UGGT1: variants seen among roughly 807,000 people sequenced by gnomAD.
UGGT1 encodes UDP-glucose glycoprotein glucosyltransferase 1, also known as UDP-glucose:glycoprotein glucosyltransferase 1.
A neutral mutation model predicts 203.9 loss-of-function variants in UGGT1; 107 were observed. That is an observed-to-expected ratio of 0.52 (90% CI 0.45 to 0.62). UGGT1 has a LOEUF of 0.62. Ranked by LOEUF, UGGT1 falls within the 20% of genes least tolerant of loss-of-function variation. The pLI is 0.00. For synonymous variants in UGGT1, 628 were observed against 653.5 expected, an observed-to-expected ratio of 0.96 and a Z score of 0.59; for missense variants, 1,673 against 1,867.2, an observed-to-expected ratio of 0.90 and a Z score of 1.92.
chr2:128,121,105 C>A, intron 9 of UGGT1, 94 bp from the exon 10 acceptor site: 2 of 1,176,524 alleles, frequency 1.7e-6, no homozygotes, highest in Non-Finnish European at 2.5e-6. Context: ...TTCTTAATTA[C>A]CATGAAAAGA....
At chr2:128,160,381 G>A in intron 23 of UGGT1, 79 bp from the exon 24 acceptor site, 2 of 1,421,566 alleles carry the variant, frequency 1.4e-6, no homozygotes, top group Non-Finnish European at 1.9e-6. Context: ...AAATTTTTAT[G>A]GTTTATTCAC....
In UGGT1 at chr2:128,170,280, T is replaced by A. The variant is rs1386593951; in HGVS notation, c.2922-8T>A. ...CCAGGTTAATGTTTTATCCTTGTGA[T>A]CTTTCAGTGCAATCAAACTGAGGCC... is the stretch of plus-strand genomic sequence containing the variant. On this transcript the variant is annotated splice_polypyrimidine_tract_variant and splice_region_variant and intron_variant, in intron 26 of 40. Transcript: ENST00000259253. The A allele has an allele frequency of 6.2e-7, 1 of 1,613,600 alleles. No individual in the cohort carries two copies. Among genetic ancestry groups the A allele is most frequent in the African/African-American group, 1.3e-5 (1 of 75,060 alleles).
rs181854806 is a variant in UGGT1, at chr2:128,129,996, C to T, written c.1377+817C>T. On this transcript the variant is annotated intron_variant, in intron 13 of 40. Transcript: ENST00000259253. ...GGGAATAGGGCTGGGCTTGGTGGCT[C>T]GTGCCTGTAATCCCAGCACTTTGGG... is the stretch of plus-strand genomic sequence containing the variant. Among the ~76,000 whole-genome samples, 431 of 151,798 alleles carry T rather than the reference C, an allele frequency of 2.8e-3. 3 individuals are homozygous for T. Among genetic ancestry groups the T allele is most frequent in the African/African-American group, 9.6e-3 (395 of 41,356 alleles).
rs1692391421 is a variant in UGGT1, at chr2:128,193,815, A to T, written c.*4073A>T. On this transcript the variant is annotated 3_prime_UTR_variant, in exon 41 of 41. Transcript: ENST00000259253. ...CTCCCTTCCTCCCCCGCCCTCCGGAAGTATATTTAGATACTTGAAAGCAGT... is the reference window on the plus strand; with the variant it reads ...CTCCCTTCCTCCCCCGCCCTCCGGATGTATATTTAGATACTTGAAAGCAGT... 6.6e-6 allele frequency: 1 copy of T among 152,202 alleles called. No individual in the cohort carries two copies. The highest frequency in any genetic ancestry group is 2.4e-5 in the African/African-American group (1 of 41,436). The allele number at this position is 152,202 out of a possible 1,614,324, so 9.4% of individuals were successfully genotyped here. A position where few individuals can be genotyped will look rare whatever the true frequency, so the allele number is the denominator to read the frequency against.
intron 3 of UGGT1, among the ~76,000 whole-genome samples, chr2:128,107,272 C>T (rs1250807076): frequency 6.6e-6 from 1 of 152,014 alleles, no homozygotes; most frequent in African/African-American, 2.4e-5. Context: ...GATTTTTTCA[C>T]ATTCGTATTT....
intron 38 of UGGT1, among the ~76,000 whole-genome samples, chr2:128,185,965 A>G (rs1412550412): frequency 6.6e-6 from 1 of 152,096 alleles, no homozygotes. Flanking sequence ...AATGTCGTCT[A>G]TTTGGGAGCA....
intron 13 of UGGT1, 118 bp downstream of exon 13, chr2:128,129,297 G>A: frequency 8.1e-7 from 1 of 1,233,164 alleles, no homozygotes. Context: ...TGGTGTGAAA[G>A]ATTTATAATT....
At chr2:128,158,856 G>A (rs910914187) in intron 22 of UGGT1, among the ~76,000 whole-genome samples, 6 of 152,106 alleles carry the variant, frequency 3.9e-5, no homozygotes, top group African/African-American at 1.4e-4. Context: ...TTTGAGGAGA[G>A]CACTGAAAAC....
chr2:128,112,696 C>T (rs1687926828), intron 5 of UGGT1, among the ~76,000 whole-genome samples: 1 of 150,506 alleles, frequency 6.6e-6, no homozygotes, highest in African/African-American at 2.4e-5. Flanking sequence ...GATCCTCTCA[C>T]CTTAGCCTCC....
chr2:128,098,335 G>A (rs1340253243), intron 2 of UGGT1, among the ~76,000 whole-genome samples: 2 of 152,264 alleles, frequency 1.3e-5, no homozygotes, highest in Non-Finnish European at 2.9e-5. Context: ...GGGTGGACAA[G>A]GTGGGTGGAT....
chr2:128,135,570 ACT>A (rs535511782), intron 15 of UGGT1, among the ~76,000 whole-genome samples: 50 of 152,290 alleles, frequency 3.3e-4, no homozygotes, highest in African/African-American at 1.0e-3. Flanking sequence ...GAAGAAAATA[ACT>A]CTTTATTCAA....
At position 128,183,502 on chromosome 2, in the gene UGGT1, A is replaced by G. The variant is rs61008149; in HGVS notation, c.4245-173A>G. Among the ~76,000 whole-genome samples, 628 of 152,344 alleles carry G rather than the reference A, an allele frequency of 4.1e-3. 5 individuals carry two copies. Among genetic ancestry groups the G allele is most frequent in the African/African-American group, 0.013 (550 of 41,578 alleles). Reference sequence around the variant, plus strand: ...ATAGCACAGTATAGATTTTGCAGTGACTTTCTTAGAGATCTTTAAAGTAGC... The same window carrying G: ...ATAGCACAGTATAGATTTTGCAGTGGCTTTCTTAGAGATCTTTAAAGTAGC... On this transcript the variant is annotated intron_variant, in intron 37 of 40. Coordinates refer to ENST00000259253, the MANE Select transcript of UGGT1 (RefSeq NM_020120.4).
At chr2:128,187,405 G>A (rs766723028) in intron 39 of UGGT1, 44 bp from the exon 40 acceptor site, 1 of 1,586,486 alleles carries the variant, frequency 6.3e-7, no homozygotes, top group Non-Finnish European at 8.6e-7. Context: ...CTATCATGTG[G>A]CCTTTCTTCA....
At position 128,123,192 on chromosome 2, in the gene UGGT1, A is replaced by C. The variant is rs1302191133; in HGVS notation, c.1080A>C (p.Ile360=). The change falls in exon 11 of 41, where the codon ATA becomes ATC. Residue 360 remains isoleucine, a synonymous_variant. Transcript: ENST00000259253. ...AATGTTTTTATTTCCTTAGAGCAAT[A>C]ACAAAAACAGCTGTGAGCTCAGAAC... is the stretch of plus-strand genomic sequence containing the variant. ...SQNFPTKARA[I]TKTAVSSELR... The C allele has an allele frequency of 6.2e-7, 1 of 1,613,340 alleles. No homozygotes were observed. Among genetic ancestry groups the C allele is most frequent in the Non-Finnish European group, 8.5e-7 (1 of 1,179,652 alleles).
intron 23 of UGGT1, 73 bp downstream of exon 23, chr2:128,159,793 G>C (rs943455587): frequency 2.2e-5 from 32 of 1,448,952 alleles, no homozygotes; most frequent in Non-Finnish European, 2.8e-5. Flanking sequence ...CAGCTTACGT[G>C]TCCGGTTCAT....
rs1691175314 is a variant in UGGT1 at position 128,172,737 on chromosome 2, A to C, written c.3269A>C (p.Asp1090Ala). ...GTAGAATCTGTCAGAACACCATATG[A>C]TCTTGATAATATTTATTTAGAAGAG... ...WMVESVRTPY[D>A]LDNIYLEEVD... Residue 1090 changes from aspartate (D) to alanine (A), a missense_variant, in exon 29 of 41, where the codon GAT (aspartate) becomes GCT (alanine). Asp to Ala is a moderately radical substitution (Grantham distance 126). Transcript: ENST00000259253. The C allele has an allele frequency of 6.2e-7, 1 of 1,613,866 alleles. No homozygotes were observed. Among genetic ancestry groups the C allele is most frequent in the African/African-American group, 1.3e-5 (1 of 74,898 alleles).
intron 4 of UGGT1, among the ~76,000 whole-genome samples, chr2:128,108,926 T>C (rs1450674516): frequency 6.6e-6 from 1 of 152,150 alleles, no homozygotes; most frequent in East Asian, 1.9e-4. Flanking sequence ...TTTCTTTATT[T>C]TGTGACACAG....
chr2:128,168,090 T>A (rs550599951), intron 26 of UGGT1, among the ~76,000 whole-genome samples: 40 of 152,328 alleles, frequency 2.6e-4, no homozygotes, highest in African/African-American at 9.1e-4. Context: ...GCAAATTATA[T>A]TAGGGCAGTG....
chr2:128,147,030 C>T (rs971526550), intron 18 of UGGT1, among the ~76,000 whole-genome samples: 5 of 152,204 alleles, frequency 3.3e-5, no homozygotes, highest in African/African-American at 9.6e-5. Flanking sequence ...TCCTAAGGGG[C>T]TCACCATGAA....
Sources: allele counts gnomAD v4.1 joint callset (sites outside exome capture counted in the v4.1 genomes callset), GRCh38; gene constraint gnomAD v4.1.1; transcripts MANE v1.5; gene names NCBI Gene and HGNC (gene_info 2026-07-23, HGNC 2026-07-21).